Variants in LARP1B observed in about 807,000 individuals in gnomAD.
LARP1B encodes the protein La ribonucleoprotein 1B, also known as la-related protein 1B.
In LARP1B, 76 loss-of-function variants were observed where a neutral mutation model predicts 114.2. That is an observed-to-expected ratio of 0.67 (90% CI 0.55 to 0.81). The LOEUF (loss-of-function observed/expected upper bound fraction) is 0.81. Among genes scored for constraint, LARP1B ranks in the 30% least tolerant of loss-of-function variants. The probability of loss-of-function intolerance (pLI) is 0.00; values close to 1 mark genes in which losing one functional copy is unlikely to be tolerated. For synonymous variants in LARP1B, 345 were observed against 348.0 expected (o/e 0.99, Z 0.10); for missense variants, 1,014 against 1,075.8 (o/e 0.94, Z 0.80).
intron 9 of LARP1B, among the ~76,000 whole-genome samples, chr4:128,109,479 GTC>G (rs373924267): frequency 2.0e-3 from 309 of 152,190 alleles, no homozygotes; most frequent in African/African-American, 7.1e-3. Context: ...CTGAGCAGAA[GTC>G]TACCTTTATG....
chr4:128,120,452 C>CTT lies in LARP1B; in HGVS notation c.1162-1361_1162-1360dup, dbSNP rs34303419. ...TGTAAACCAACAACTGTTTTAAGTT[C>CTT]TTTTTTTTTTTTTTGAGATGGGGTC... On this transcript the variant is annotated intron_variant, in intron 10 of 19. Transcript: ENST00000326639. Among the ~76,000 whole-genome samples the CTT allele has an allele frequency of 3.0e-3, 428 of 143,804 alleles. 2 individuals carry two copies. The highest frequency in any genetic ancestry group is 6.1e-3 in the African/African-American group (237 of 39,020). The allele number at this position is 143,804 out of a possible 152,430, so 94.3% of individuals were successfully genotyped here.
At chr4:128,091,263 A>G in intron 6 of LARP1B, 84 bp from the exon 7 acceptor site, 1 of 1,512,578 alleles carries the variant, frequency 6.6e-7, no homozygotes, top group Non-Finnish European at 8.9e-7. Context: ...TATGTTTGTT[A>G]ACCTTTGAAG....
intron 11 of LARP1B, chr4:128,155,324 TC>T: frequency 1.9e-6 from 1 of 520,070 alleles, no homozygotes; most frequent in Non-Finnish European, 3.5e-6. Flanking sequence ...CATCATGTGG[TC>T]AAAATCTGGA....
At chr4:128,219,187 A>C (rs1759777112) in intron 6 of LARP1B, among the ~76,000 whole-genome samples, 1 of 149,040 alleles carries the variant, frequency 6.7e-6, no homozygotes, top group Non-Finnish European at 1.5e-5. Context: ...ACACTTTGAC[A>C]CTGTTGGTGG....
intron 8 of LARP1B, among the ~76,000 whole-genome samples, chr4:128,102,402 A>G (rs760422825): frequency 6.6e-6 from 1 of 152,158 alleles, no homozygotes; most frequent in Non-Finnish European, 1.5e-5. Flanking sequence ...ATAAGTAAGC[A>G]TTTGCTATTA....
intron 10 of LARP1B, among the ~76,000 whole-genome samples, chr4:128,116,835 C>G (rs192933965): frequency 1.9e-4 from 29 of 150,952 alleles, no homozygotes. Context: ...AAGCATTTTT[C>G]TTTTGTCATC....
At position 128,094,440 on chromosome 4, in the gene LARP1B, G is replaced by A. The variant is rs557252640; in HGVS notation, c.668+2928G>A. ...TTTTGAGACATTGTCTCACTCTGTC[G>A]CCCAGGATGGAGTACAGTGGCGCAA... On this transcript the variant is annotated intron_variant, in intron 7 of 19. Coordinates refer to ENST00000326639, the MANE Select transcript of LARP1B (RefSeq NM_018078.4). 2.1e-4 allele frequency among the ~76,000 whole-genome samples: 28 copies of A among 131,298 alleles called. No individual in the cohort carries two copies. The South Asian group carries it at 5.7e-3, about 27-fold the overall frequency. 86.1% of individuals were successfully genotyped at this position (131,298 alleles called of 152,430 possible). A position where few individuals can be genotyped will look rare whatever the true frequency, so the allele number is the denominator to read the frequency against.
At chr4:128,067,431 G>T (rs1216472818) in intron 1 of LARP1B, among the ~76,000 whole-genome samples, 1 of 152,166 alleles carries the variant, frequency 6.6e-6, no homozygotes, top group Non-Finnish European at 1.5e-5. Flanking sequence ...ACACAGGGGA[G>T]AATATTTCAG....
chr4:128,146,078 A>G (rs1242974365), intron 11 of LARP1B, among the ~76,000 whole-genome samples: 1 of 152,214 alleles, frequency 6.6e-6, no homozygotes, highest in Non-Finnish European at 1.5e-5. Flanking sequence ...TTCCATTTCC[A>G]CATGTACATA....
intron 11 of LARP1B, among the ~76,000 whole-genome samples, chr4:128,161,838 A>G (rs1738660204): frequency 6.6e-6 from 1 of 152,028 alleles, no homozygotes; most frequent in Non-Finnish European, 1.5e-5. Context: ...CTTCCTTTTC[A>G]TCTAACATAT....
chr4:128,155,359 G>C (rs1434549822), intron 11 of LARP1B: 1 of 558,674 alleles, frequency 1.8e-6, no homozygotes, highest in Non-Finnish European at 3.2e-6. Flanking sequence ...GCCAGCGGCC[G>C]TGGACCACGC....
intron 7 of LARP1B, among the ~76,000 whole-genome samples, chr4:128,092,037 C>T (rs1178270465): frequency 6.6e-6 from 1 of 152,078 alleles, no homozygotes; most frequent in Non-Finnish European, 1.5e-5. Context: ...ATATAAGTCT[C>T]CTGGCTTCTA....
At chr4:128,097,254 G>A (rs4833395) in intron 7 of LARP1B, among the ~76,000 whole-genome samples, 95,726 of 151,950 alleles carry the variant, frequency 0.63, 30,602 homozygotes, top group Middle Eastern at 0.81. Flanking sequence ...AACTTGAATC[G>A]TTCAAAATAT....
chr4:128,113,687 G>A (rs1784861914), intron 9 of LARP1B, among the ~76,000 whole-genome samples: 1 of 150,878 alleles, frequency 6.6e-6, no homozygotes, highest in African/African-American at 2.4e-5. Context: ...CTACAGAAGT[G>A]TACTGTATAG....
At chr4:128,121,315 T>C (rs1261423984) in intron 10 of LARP1B, among the ~76,000 whole-genome samples, 1 of 152,230 alleles carries the variant, frequency 6.6e-6, no homozygotes, top group East Asian at 1.9e-4. Context: ...TCTATCTATC[T>C]ATCTATCTAT....
chr4:128,131,555 C>T (rs113173280), intron 11 of LARP1B, among the ~76,000 whole-genome samples: 66 of 152,004 alleles, frequency 4.3e-4, no homozygotes, highest in Middle Eastern at 3.4e-3. Flanking sequence ...CTCTAAAAAA[C>T]GTAAAGATAT....
In LARP1B at chr4:128,143,209, C is replaced by T. The variant is rs571665709; in HGVS notation, c.1525-18985C>T. Among the ~76,000 whole-genome samples the T allele has an allele frequency of 9.1e-4, 138 of 152,006 alleles. 1 individual carries two copies. In the Middle Eastern group the frequency reaches 0.014, roughly 15 times the overall value. On this transcript the variant is annotated intron_variant, in intron 11 of 19. Coordinates refer to ENST00000326639, the MANE Select transcript of LARP1B (RefSeq NM_018078.4). ...CTGAGGCAGGAGAATCACTTGAACC[C>T]GGGAGGTGGAGGTTGCAGTGAGCCA... is the stretch of plus-strand genomic sequence containing the variant.
intron 11 of LARP1B, among the ~76,000 whole-genome samples, chr4:128,129,348 C>A (rs867587062): frequency 4.1e-3 from 452 of 109,784 alleles, no homozygotes; most frequent in Middle Eastern, 4.5e-3. Flanking sequence ...GACTCCGTCT[C>A]AAAAAAAAAA....
At chr4:128,219,702 G>T (rs1448541720) in intron 6 of LARP1B, among the ~76,000 whole-genome samples, 1 of 142,320 alleles carries the variant, frequency 7.0e-6, no homozygotes, top group South Asian at 2.3e-4. Context: ...GCTAGATGAC[G>T]CGTTAGTGGG....
Sources: gnomAD v4.1 joint callset for allele counts (sites outside exome capture counted in the v4.1 genomes callset) on GRCh38, gnomAD v4.1.1 for gene constraint, MANE v1.5 for transcripts, NCBI Gene and HGNC (gene_info 2026-07-23, HGNC 2026-07-21) for gene names.